Variants in RRAS2 observed in about 807,000 individuals in gnomAD.
The protein encoded by RRAS2 is RAS related 2, also known as ras-related protein R-Ras2.
RRAS2 carries 7 observed loss-of-function variants against 27.6 expected under a neutral mutation model. The observed-to-expected ratio is 0.25, with a 90% CI of 0.14 to 0.48. RRAS2 has a LOEUF of 0.48. Ranked by LOEUF, RRAS2 falls within the 20% of genes least tolerant of loss-of-function variation. The pLI, the probability that RRAS2 is intolerant of heterozygous loss-of-function variation, is 0.99. For missense variants in RRAS2, 178 were observed against 256.2 expected (o/e 0.69, Z 2.08); for synonymous variants, 86 against 90.9 (o/e 0.95, Z 0.31).
intron 1 of RRAS2, among the ~76,000 whole-genome samples, chr11:14,338,712 A>C (rs1157585477): frequency 1.3e-5 from 2 of 152,044 alleles, no homozygotes; most frequent in African/African-American, 4.8e-5. Flanking sequence ...CCAAATCCTA[A>C]TTTTTTTTAA....
At chr11:14,305,418 G>C (rs1847808334) in intron 1 of RRAS2, among the ~76,000 whole-genome samples, 1 of 152,178 alleles carries the variant, frequency 6.6e-6, no homozygotes, top group South Asian at 2.1e-4. Flanking sequence ...TTCCTAAGAA[G>C]AAATGGGAAG....
intron 1 of RRAS2, among the ~76,000 whole-genome samples, chr11:14,327,293 T>C (rs552259893): frequency 6.6e-6 from 1 of 152,262 alleles, no homozygotes; most frequent in South Asian, 2.1e-4. Flanking sequence ...AAAATAAAAA[T>C]AGCTGAAGAG....
intron 1 of RRAS2, among the ~76,000 whole-genome samples, chr11:14,348,359 C>T (rs1554954346): frequency 6.6e-6 from 1 of 152,174 alleles, no homozygotes; most frequent in Non-Finnish European, 1.5e-5. Flanking sequence ...ATATTAACAT[C>T]TACTACTCTC....
chr11:14,280,872 T>A (rs1554944220), intron 5 of RRAS2, among the ~76,000 whole-genome samples: 1 of 150,942 alleles, frequency 6.6e-6, no homozygotes, highest in African/African-American at 2.4e-5. Context: ...AATCAAATCC[T>A]ACTCACTAAA....
intron 1 of RRAS2, among the ~76,000 whole-genome samples, chr11:14,298,120 T>C (rs1171816266): frequency 6.6e-6 from 1 of 152,110 alleles, no homozygotes; most frequent in Admixed American, 6.6e-5. Flanking sequence ...ACAACAGGAA[T>C]CAGCAGTCTT....
At position 14,294,747 on chromosome 11, in the gene RRAS2, A is replaced by T; in HGVS notation, c.299+13T>A. On this transcript the variant is annotated intron_variant, in intron 3 of 5. Transcript: ENST00000256196. ...ACAAGAACAGTGGATCTACATTCTA[A>T]TATGGTACAAACCTGCCTCTATCTG... 6.2e-7 allele frequency: 1 copy of T among 1,608,712 alleles called. No individual in the cohort carries two copies. Among genetic ancestry groups the T allele is most frequent in the Non-Finnish European group, 8.5e-7 (1 of 1,175,412 alleles).
At position 14,359,153 on chromosome 11, in the gene RRAS2, C is replaced by T. The variant is rs1357912077; in HGVS notation, c.-283G>A. 25 of 1,021,514 alleles carry T rather than the reference C, an allele frequency of 2.4e-5. No homozygotes were observed. The highest frequency in any genetic ancestry group is 2.9e-5 in the Non-Finnish European group (25 of 854,152). The allele number at this position is 1,021,514 out of a possible 1,614,324, so 63.3% of individuals were successfully genotyped here. A position where few individuals can be genotyped will look rare whatever the true frequency, so the allele number is the denominator to read the frequency against. ...GCGTCTCCGCAGCGCCTGCCGAACG[C>T]AGCCTCCAGCGCCGCCACAAATGGC... On this transcript the variant is annotated 5_prime_UTR_variant, in exon 1 of 6. Transcript: ENST00000256196.
chr11:14,281,787 CCA>C, intron 4 of RRAS2, 67 bp from the exon 5 acceptor site: 1 of 1,335,380 alleles, frequency 7.5e-7, no homozygotes, highest in Non-Finnish European at 1.0e-6. Context: ...CTAATCCTGG[CCA>C]CAGATTGTGC....
At chr11:14,300,267 C>A (rs567645866) in intron 1 of RRAS2, among the ~76,000 whole-genome samples, 1 of 152,112 alleles carries the variant, frequency 6.6e-6, no homozygotes, top group South Asian at 2.1e-4. Context: ...CATGCCTTCC[C>A]GGTAGTATGG....
chr11:14,291,481 C>CT (rs1487334738), intron 4 of RRAS2, among the ~76,000 whole-genome samples: 1 of 152,100 alleles, frequency 6.6e-6, no homozygotes, highest in Non-Finnish European at 1.5e-5. Context: ...CAGGCACTTG[C>CT]TTTTCTCCCT....
chr11:14,332,493 C>T (rs1848500232), intron 1 of RRAS2, among the ~76,000 whole-genome samples: 1 of 152,046 alleles, frequency 6.6e-6, no homozygotes, highest in Admixed American at 6.5e-5. Flanking sequence ...CAGAATGAGA[C>T]CTTGTCTCAA....
chr11:14,318,492 G>T (rs1414366802), intron 1 of RRAS2, among the ~76,000 whole-genome samples: 1 of 151,786 alleles, frequency 6.6e-6, no homozygotes, highest in Non-Finnish European at 1.5e-5. Context: ...GACAGAGAGA[G>T]AATCTGTCTC....
At chr11:14,322,579 T>A (rs1474019962) in intron 1 of RRAS2, among the ~76,000 whole-genome samples, 2 of 152,238 alleles carry the variant, frequency 1.3e-5, no homozygotes, top group Non-Finnish European at 2.9e-5. Flanking sequence ...ATAACATTTT[T>A]TCCAAATTAT....
chr11:14,349,028 C>T (rs891673810), intron 1 of RRAS2, among the ~76,000 whole-genome samples: 3 of 152,296 alleles, frequency 2.0e-5, no homozygotes, highest in Admixed American at 1.3e-4. Context: ...TGCAGTGGCG[C>T]GATCTCGGCT....
intron 1 of RRAS2, among the ~76,000 whole-genome samples, chr11:14,357,459 C>T (rs1478655271): frequency 6.6e-6 from 1 of 152,158 alleles, no homozygotes; most frequent in Non-Finnish European, 1.5e-5. Flanking sequence ...CAATCTCACC[C>T]CTTACTCAGT....
At chr11:14,312,368 A>AT (rs1229444231) in intron 1 of RRAS2, among the ~76,000 whole-genome samples, 1 of 152,212 alleles carries the variant, frequency 6.6e-6, no homozygotes, top group Non-Finnish European at 1.5e-5. Flanking sequence ...ACAAGCTAGG[A>AT]TATGGTTCTG....
chr11:14,307,553 G>T (rs1847862446), intron 1 of RRAS2, among the ~76,000 whole-genome samples: 1 of 151,750 alleles, frequency 6.6e-6, no homozygotes, highest in Non-Finnish European at 1.5e-5. Context: ...TTACAGATGA[G>T]ACCATTGAGG....
At chr11:14,335,473 T>G (rs1008390846) in intron 1 of RRAS2, among the ~76,000 whole-genome samples, 9 of 152,196 alleles carry the variant, frequency 5.9e-5, no homozygotes, top group Admixed American at 5.9e-4. Flanking sequence ...TGACTTGCAA[T>G]TTGAATGAGG....
At chr11:14,338,193 T>C (rs368092482) in intron 1 of RRAS2, among the ~76,000 whole-genome samples, 2 of 152,206 alleles carry the variant, frequency 1.3e-5, no homozygotes, top group East Asian at 1.9e-4. Flanking sequence ...ATGTAATACC[T>C]AGAGTACCCA....
Sources: gnomAD v4.1 joint callset for allele counts (sites outside exome capture counted in the v4.1 genomes callset) on GRCh38, gnomAD v4.1.1 for gene constraint, MANE v1.5 for transcripts, NCBI Gene and HGNC (gene_info 2026-07-23, HGNC 2026-07-21) for gene names.